The following HECW1 variants were observed in gnomAD, a reference collection of about 807,000 sequenced individuals.
HECW1 encodes the protein E3 ubiquitin-protein ligase HECW1.
Under a neutral mutation model 182.3 loss-of-function variants are expected in HECW1, and 61 were observed. The observed-to-expected ratio is 0.33, with a 90% CI of 0.27 to 0.41. The LOEUF (loss-of-function observed/expected upper bound fraction) is 0.41, where lower values mean the gene tolerates loss of function less well. Among genes scored for constraint, HECW1 ranks in the 10% least tolerant of loss-of-function variants. The pLI is 1.00. For missense variants in HECW1, 1,739 were observed against 2,108.9 expected (o/e 0.82, Z 3.44); for synonymous variants, 859 against 832.6 (o/e 1.03, Z -0.55).
chr7:43,309,569 T>C (rs1393552427), intron 3 of HECW1, among the ~76,000 whole-genome samples: 1 of 152,202 alleles, frequency 6.6e-6, no homozygotes, highest in African/African-American at 2.4e-5. Context: ...GAGGCCCTGA[T>C]TGAAACCACG....
chr7:43,241,287 C>G (rs948279437), intron 2 of HECW1: 1 of 152,190 alleles, frequency 6.6e-6, no homozygotes, highest in Admixed American at 6.5e-5. Context: ...CTGATTCCTT[C>G]ATTTCCTTGG....
chr7:43,173,905 T>C (rs1175657569), intron 2 of HECW1, among the ~76,000 whole-genome samples: 1 of 151,722 alleles, frequency 6.6e-6, no homozygotes, highest in Admixed American at 6.6e-5. Context: ...GGTGGGGTGA[T>C]CAAAGCTCAC....
At chr7:43,137,063 G>A (rs1183762237) in intron 2 of HECW1, among the ~76,000 whole-genome samples, 1 of 152,186 alleles carries the variant, frequency 6.6e-6, no homozygotes, top group East Asian at 1.9e-4. Flanking sequence ...TAAGCAGTGA[G>A]ACACAGATGT....
chr7:43,255,923 T>G (rs901235764), intron 3 of HECW1, among the ~76,000 whole-genome samples: 4 of 152,252 alleles, frequency 2.6e-5, no homozygotes, highest in African/African-American at 9.6e-5. Context: ...AGGAAGGATT[T>G]CTTTTCCTTA....
intron 24 of HECW1, among the ~76,000 whole-genome samples, chr7:43,527,245 C>T (rs2080795206): frequency 1.3e-5 from 2 of 152,146 alleles, no homozygotes; most frequent in African/African-American, 2.4e-5. Flanking sequence ...GGCTATGCTG[C>T]GGGTGGGCAC....
chr7:43,399,606 A>C (rs1019189158), intron 7 of HECW1, among the ~76,000 whole-genome samples: 3 of 152,118 alleles, frequency 2.0e-5, no homozygotes, highest in African/African-American at 7.2e-5. Context: ...CTATTCCTTT[A>C]TCTCTGCTTT....
intron 2 of HECW1, among the ~76,000 whole-genome samples, chr7:43,222,876 C>G (rs1283450580): frequency 6.6e-6 from 1 of 152,146 alleles, no homozygotes; most frequent in African/African-American, 2.4e-5. Context: ...CATCCCATCC[C>G]ATCTTATGAC....
intron 3 of HECW1, among the ~76,000 whole-genome samples, chr7:43,283,719 CA>C (rs1804229500): frequency 6.6e-6 from 1 of 152,162 alleles, no homozygotes; most frequent in African/African-American, 2.4e-5. Context: ...TTCAATATTG[CA>C]AAACGTCCCT....
chr7:43,398,013 T>C (rs2075287384), intron 7 of HECW1, among the ~76,000 whole-genome samples: 2 of 152,136 alleles, frequency 1.3e-5, no homozygotes, highest in Non-Finnish European at 2.9e-5. Context: ...TCCCAGCACT[T>C]TGGGAGGCCA....
intron 8 of HECW1, among the ~76,000 whole-genome samples, chr7:43,416,803 C>G (rs1294583454): frequency 6.7e-6 from 1 of 148,244 alleles, no homozygotes; most frequent in Non-Finnish European, 1.5e-5. Flanking sequence ...CAGGTGCGTC[C>G]GTCACCCCTT....
intron 24 of HECW1, among the ~76,000 whole-genome samples, chr7:43,519,649 C>G (rs973374529): frequency 6.6e-6 from 1 of 152,118 alleles, no homozygotes; most frequent in Admixed American, 6.6e-5. Flanking sequence ...ATGCAAATGT[C>G]CATCGGCAGG....
At chr7:43,253,560 T>C (rs1440570814) in intron 3 of HECW1, among the ~76,000 whole-genome samples, 1 of 152,242 alleles carries the variant, frequency 6.6e-6, no homozygotes, top group East Asian at 1.9e-4. Context: ...TTCCACCTTT[T>C]AATAACTCTG....
In HECW1 at chr7:43,469,049, G is replaced by C. The variant is rs748699081; in HGVS notation, c.3043G>C (p.Asp1015His). 6.2e-7 allele frequency: 1 copy of C among 1,614,184 alleles called. No individual in the cohort carries two copies. The highest frequency in any genetic ancestry group is 8.5e-7 in the Non-Finnish European group (1 of 1,180,026). ...DLVNFINMFA[D>H]TRLELPRGWE... Reference sequence around the variant, plus strand: ...GGTGAATTTCATCAACATGTTCGCAGACACTCGGCTGGAACTGCCCCGGGG... The same window carrying C: ...GGTGAATTTCATCAACATGTTCGCACACACTCGGCTGGAACTGCCCCGGGG... The change falls in exon 16 of 30, where the codon GAC becomes CAC. Residue 1015 changes from aspartate to histidine, a missense_variant. Coordinates refer to ENST00000395891, the MANE Select transcript of HECW1 (RefSeq NM_015052.5).
intron 2 of HECW1, among the ~76,000 whole-genome samples, chr7:43,241,661 T>TGTGTGTGTGTGTGTG (rs1584133273): frequency 1.3e-5 from 2 of 149,738 alleles, no homozygotes; most frequent in African/African-American, 2.5e-5. Context: ...TGTGTGTGTG[T>TGTGTGTGTGTGTGTG]TTAATTAATT....
intron 24 of HECW1, among the ~76,000 whole-genome samples, chr7:43,512,880 A>G (rs2079944996): frequency 6.6e-6 from 1 of 152,238 alleles, no homozygotes; most frequent in Non-Finnish European, 1.5e-5. Context: ...GGCTGGAGGC[A>G]GCAACTTTGC....
intron 6 of HECW1, among the ~76,000 whole-genome samples, chr7:43,384,005 TGAGGAGGAG>T (rs781072561): frequency 6.6e-6 from 1 of 152,036 alleles, no homozygotes; most frequent in Non-Finnish European, 1.5e-5. Context: ...TTGAGTAGAC[TGAGGAGGAG>T]GAGGAGGAAG....
At chr7:43,409,650 C>T (rs1423562601) in intron 8 of HECW1, among the ~76,000 whole-genome samples, 2 of 152,226 alleles carry the variant, frequency 1.3e-5, no homozygotes, top group Non-Finnish European at 2.9e-5. Context: ...TTCCATCCCA[C>T]GTGCTGCAGT....
rs1585319175 is a variant in HECW1, at chr7:43,564,281, G to A, written c.*2355G>A. The A allele has an allele frequency of 5.3e-6, 1 of 188,950 alleles. No individual in the cohort carries two copies. The highest frequency in any genetic ancestry group is 1.9e-4 in the South Asian group (1 of 5,148). 11.7% of individuals were successfully genotyped at this position (188,950 alleles called of 1,614,324 possible). ...CATTAATTCAAGCACTCTCTTTCTA[G>A]TACTCACATTATTTGTCAGGCATTG... On this transcript the variant is annotated 3_prime_UTR_variant, in exon 30 of 30. Transcript: ENST00000395891.
intron 3 of HECW1, chr7:43,248,711 CTCCTCCTCCTCCTCCTTT>C (rs1199907465): frequency 5.6e-5 from 8 of 144,002 alleles, no homozygotes; most frequent in Non-Finnish European, 1.1e-4. Flanking sequence ...CCTCCTCCTC[CTCCTCCTCCTCCTCCTTT>C]TCCTCCTCCT....
Sources: gnomAD v4.1 joint callset for allele counts (sites outside exome capture counted in the v4.1 genomes callset) on GRCh38, gnomAD v4.1.1 for gene constraint, MANE v1.5 for transcripts, NCBI Gene and HGNC (gene_info 2026-07-23, HGNC 2026-07-21) for gene names.